Variants in GUCY1A2 observed in about 807,000 individuals in gnomAD.
GUCY1A2 encodes the protein guanylate cyclase 1 soluble subunit alpha 2.
A neutral mutation model predicts 63.5 loss-of-function variants in GUCY1A2; 27 were observed. The observed-to-expected ratio is 0.43, with a 90% CI of 0.31 to 0.59. GUCY1A2 has a LOEUF of 0.59. Among genes scored for constraint, GUCY1A2 ranks in the 20% least tolerant of loss-of-function variants. The pLI is 0.11. For missense variants in GUCY1A2, 768 were observed against 913.3 expected (o/e 0.84, Z 2.05); for synonymous variants, 364 against 343.5 (o/e 1.06, Z -0.66).
At chr11:106,937,403 C>T (rs561502515) in intron 4 of GUCY1A2, among the ~76,000 whole-genome samples, 20 of 152,038 alleles carry the variant, frequency 1.3e-4, no homozygotes, top group Non-Finnish European at 2.4e-4. Flanking sequence ...GGGGAAAAAA[C>T]CTGAAGCAGT....
At chr11:106,950,590 G>A (rs1009231568) in intron 3 of GUCY1A2, among the ~76,000 whole-genome samples, 1 of 152,176 alleles carries the variant, frequency 6.6e-6, no homozygotes, top group Non-Finnish European at 1.5e-5. Context: ...TGGTGAAGAA[G>A]GTGGGGGAGG....
intron 5 of GUCY1A2, among the ~76,000 whole-genome samples, chr11:106,802,789 A>C (rs1858628550): frequency 6.6e-6 from 1 of 152,096 alleles, no homozygotes. Flanking sequence ...AATGATGCTA[A>C]TTCCATCATT....
At chr11:106,840,733 T>C (rs894199016) in intron 4 of GUCY1A2, among the ~76,000 whole-genome samples, 41 of 152,088 alleles carry the variant, frequency 2.7e-4, no homozygotes, top group African/African-American at 9.6e-4. Context: ...AAATTGCTAA[T>C]AAAGAACACT....
At chr11:106,936,806 G>A (rs960609100) in intron 4 of GUCY1A2, 12 of 649,336 alleles carry the variant, frequency 1.8e-5, no homozygotes, top group Middle Eastern at 5.0e-4. Context: ...AATGTTAGAA[G>A]AAGGAATAAA....
At chr11:106,958,791 G>T (rs1417971295) in intron 3 of GUCY1A2, among the ~76,000 whole-genome samples, 1 of 152,128 alleles carries the variant, frequency 6.6e-6, no homozygotes, top group African/African-American at 2.4e-5. Flanking sequence ...GTGTATATGT[G>T]CTCTAACCTG....
intron 6 of GUCY1A2, among the ~76,000 whole-genome samples, chr11:106,727,243 A>G (rs1214242429): frequency 6.6e-6 from 1 of 152,232 alleles, no homozygotes. Context: ...AGGAAGCTAC[A>G]AAGAAGGACA....
Position 106,698,119 on chromosome 11 carries a change from A to ATTTTTTTTTTTTTTTTT in GUCY1A2, c.1991+10376_1992-10364dup, listed in dbSNP as rs71470827. Among the ~76,000 whole-genome samples the ATTTTTTTTTTTTTTTTT allele has an allele frequency of 2.5e-3, 252 of 100,458 alleles. 37 individuals are homozygous for ATTTTTTTTTTTTTTTTT. Among genetic ancestry groups the ATTTTTTTTTTTTTTTTT allele is most frequent in the African/African-American group, 8.8e-3 (192 of 21,772 alleles). 65.9% of individuals were successfully genotyped at this position (100,458 alleles called of 152,430 possible). Reference sequence around the variant, plus strand: ...TTTACAGCTTTCACTGAATGTTAGAATTTTTTTTTTTTTTTTTTTAGACAG... The same window carrying ATTTTTTTTTTTTTTTTT: ...TTTACAGCTTTCACTGAATGTTAGAATTTTTTTTTTTTTTTTTTTTTTTTTTTTTTTTTTTTAGACAG... On this transcript the variant is annotated intron_variant, in intron 7 of 7. Transcript: ENST00000526355.
At chr11:106,876,781 C>T (rs956735902) in intron 4 of GUCY1A2, among the ~76,000 whole-genome samples, 1 of 152,072 alleles carries the variant, frequency 6.6e-6, no homozygotes, top group Non-Finnish European at 1.5e-5. Context: ...CGGCTATACA[C>T]TCCATGCTTA....
At chr11:106,767,180 TATCCTC>T (rs1864180164) in intron 6 of GUCY1A2, among the ~76,000 whole-genome samples, 2 of 152,156 alleles carry the variant, frequency 1.3e-5, no homozygotes, top group South Asian at 2.1e-4. Context: ...TAAAGGTAGT[TATCCTC>T]ATAGTGATGA....
At chr11:106,884,606 G>A (rs1205506705) in intron 4 of GUCY1A2, among the ~76,000 whole-genome samples, 1 of 151,984 alleles carries the variant, frequency 6.6e-6, no homozygotes, top group Non-Finnish European at 1.5e-5. Context: ...AAAGAGAAAA[G>A]GAAAGAGTAA....
chr11:107,009,132 C>G (rs1861710327), intron 1 of GUCY1A2, among the ~76,000 whole-genome samples: 1 of 151,954 alleles, frequency 6.6e-6, no homozygotes, highest in Non-Finnish European at 1.5e-5. Flanking sequence ...AATGAGAGAC[C>G]CCCACCCAAC....
At chr11:106,776,405 C>T in intron 6 of GUCY1A2, 34 bp downstream of exon 6, 1 of 1,221,266 alleles carries the variant, frequency 8.2e-7, no homozygotes, top group South Asian at 1.5e-5. Flanking sequence ...TAATGGTGCA[C>T]TTACTACTCA....
rs758866160 is a variant in GUCY1A2 at position 106,685,057 on chromosome 11, A to G, written c.*2492T>C. ...AACATTGTAACTACAATAATCAACT[A>G]TAATAGATTAGCAAAATGATAACAA... On this transcript the variant is annotated 3_prime_UTR_variant, in exon 8 of 8. Transcript: ENST00000526355. The G allele has an allele frequency of 6.3e-5, 13 of 205,942 alleles. No homozygotes were observed. The highest frequency in any genetic ancestry group is 1.3e-4 in the Non-Finnish European group (13 of 100,798). The allele number at this position is 205,942 out of a possible 1,614,324, so 12.8% of individuals were successfully genotyped here.
At chr11:106,953,410 CTCAT>C (rs1295340472) in intron 3 of GUCY1A2, among the ~76,000 whole-genome samples, 3 of 152,182 alleles carry the variant, frequency 2.0e-5, no homozygotes, top group African/African-American at 7.2e-5. Context: ...TGATGTGCTG[CTCAT>C]TCAGTTTGCC....
intron 4 of GUCY1A2, among the ~76,000 whole-genome samples, chr11:106,816,761 TA>T (rs1156741367): frequency 3.3e-5 from 5 of 151,408 alleles, no homozygotes; most frequent in Non-Finnish European, 7.4e-5. Context: ...AGGAACAAGA[TA>T]GGGGTTATCA....
intron 4 of GUCY1A2, among the ~76,000 whole-genome samples, chr11:106,898,667 A>G (rs1040764351): frequency 1.3e-5 from 2 of 152,228 alleles, no homozygotes; most frequent in African/African-American, 4.8e-5. Flanking sequence ...GGAGACAGTA[A>G]AAAGGTCAAT....
intron 4 of GUCY1A2, among the ~76,000 whole-genome samples, chr11:106,876,410 A>G (rs545479017): frequency 2.5e-4 from 38 of 152,248 alleles, no homozygotes; most frequent in African/African-American, 8.4e-4. Context: ...TTGCTACTTT[A>G]ATTCAAAAAT....
chr11:106,734,784 C>A (rs1863561132), intron 6 of GUCY1A2, among the ~76,000 whole-genome samples: 1 of 152,098 alleles, frequency 6.6e-6, no homozygotes, highest in African/African-American at 2.4e-5. Context: ...AGAGGTTTCA[C>A]TCTTCAGGCT....
intron 4 of GUCY1A2, among the ~76,000 whole-genome samples, chr11:106,901,650 C>A (rs1304387436): frequency 1.5e-5 from 2 of 134,934 alleles, no homozygotes; most frequent in South Asian, 2.7e-4. Context: ...CCCCACCCCA[C>A]AACAGGCCTC....
Sources: allele counts gnomAD v4.1 joint callset (sites outside exome capture counted in the v4.1 genomes callset), GRCh38; gene constraint gnomAD v4.1.1; transcripts MANE v1.5; gene names NCBI Gene and HGNC (gene_info 2026-07-23, HGNC 2026-07-21).